GCFC2: variants seen among roughly 807,000 people sequenced by gnomAD.
GCFC2 encodes the protein GC-rich sequence DNA-binding factor 2, also known as intron Large complex component GCFC2.
Under a neutral mutation model 99.4 loss-of-function variants are expected in GCFC2, and 102 were observed. The ratio of observed to expected loss-of-function variants is 1.03; its 90% CI spans 0.87 to 1.21. GCFC2 has a LOEUF of 1.21. GCFC2 is among the 50% of genes most tolerant of loss of function. The probability of loss-of-function intolerance (pLI) is 0.00; values close to 1 mark genes in which losing one functional copy is unlikely to be tolerated. For synonymous variants in GCFC2, 338 were observed against 316.8 expected, an observed-to-expected ratio of 1.07 and a Z score of -0.71; for missense variants, 973 against 920.9, an observed-to-expected ratio of 1.06 and a Z score of -0.73.
chr2:75,703,946 G>T (rs1680720646), intron 2 of GCFC2, among the ~76,000 whole-genome samples: 1 of 152,156 alleles, frequency 6.6e-6, no homozygotes, highest in Non-Finnish European at 1.5e-5. Flanking sequence ...TAATTAGTAA[G>T]TCACAAGCAA....
At chr2:75,675,235 C>T (rs529983946) in intron 12 of GCFC2, among the ~76,000 whole-genome samples, 1 of 152,022 alleles carries the variant, frequency 6.6e-6, no homozygotes, top group South Asian at 2.1e-4. Flanking sequence ...AACATAATAT[C>T]CTTGTCTTAA....
chr2:75,664,866 T>A, intron 16 of GCFC2, 83 bp from the exon 17 acceptor site: 1 of 700,202 alleles, frequency 1.4e-6, no homozygotes. Flanking sequence ...TCATCAGTTG[T>A]TAATCTAAAA....
intron 12 of GCFC2, among the ~76,000 whole-genome samples, chr2:75,675,092 A>T (rs1679277546): frequency 6.6e-6 from 1 of 152,166 alleles, no homozygotes; most frequent in Non-Finnish European, 1.5e-5. Flanking sequence ...ATATTGTTTA[A>T]ATTTTGTTTC....
rs753449346 is a variant in GCFC2, at chr2:75,701,293, G to A, written c.620-6C>T. ...TGTTTCTTCATTTCTGCTTACTAGC[G>A]GAAAAAAAGCTCACATGTAAACGTT... On this transcript the variant is annotated splice_polypyrimidine_tract_variant and splice_region_variant and intron_variant, in intron 3 of 16. Transcript: ENST00000321027. 1.2e-5 allele frequency: 19 copies of A among 1,544,318 alleles called. No homozygotes were observed. Among genetic ancestry groups the A allele is most frequent in the Middle Eastern group, 1.7e-4 (1 of 5,950 alleles).
intron 11 of GCFC2, among the ~76,000 whole-genome samples, chr2:75,683,771 C>CAAAAAAAAAAAAAAA (rs749580096): frequency 2.2e-3 from 133 of 60,386 alleles, no homozygotes; most frequent in Middle Eastern, 0.014. Flanking sequence ...AAATGGAAAG[C>CAAAAAAAAAAAAAAA]AAAAAAAAAA....
chr2:75,671,248 T>C (rs1263098503), intron 14 of GCFC2, among the ~76,000 whole-genome samples: 1 of 152,234 alleles, frequency 6.6e-6, no homozygotes, highest in Admixed American at 6.5e-5. Flanking sequence ...GTTCTGTCCT[T>C]GGCCTACTTC....
intron 13 of GCFC2, 129 bp downstream of exon 13, chr2:75,673,315 A>G (rs1022594928): frequency 9.5e-6 from 6 of 633,906 alleles, no homozygotes; most frequent in Non-Finnish European, 1.7e-5. Flanking sequence ...CTCAAAAGAA[A>G]AAAAAAAAAG....
At chr2:75,707,199 T>G (rs1680910891) in intron 1 of GCFC2, among the ~76,000 whole-genome samples, 1 of 152,214 alleles carries the variant, frequency 6.6e-6, no homozygotes, top group Non-Finnish European at 1.5e-5. Flanking sequence ...TATGCCATAT[T>G]TCAACGGCTG....
At chr2:75,703,939 T>C (rs1425428863) in intron 2 of GCFC2, among the ~76,000 whole-genome samples, 3 of 152,178 alleles carry the variant, frequency 2.0e-5, no homozygotes, top group African/African-American at 7.2e-5. Flanking sequence ...TAGGGTTTAA[T>C]TAGTAAGTCA....
rs750020501 is a variant in GCFC2 at position 75,692,011 on chromosome 2, T to C, written c.1110A>G (p.Leu370=). 1.3e-6 allele frequency: 2 copies of C among 1,562,496 alleles called. No homozygotes were observed. The highest frequency in any genetic ancestry group is 4.7e-5 in the East Asian group (2 of 42,854). Residue 370 remains leucine (L), a synonymous_variant, in exon 7 of 17, where the codon TTA becomes TTG. Coordinates refer to ENST00000321027, the MANE Select transcript of GCFC2 (RefSeq NM_003203.5). ...GTTGTAAATACGTTGATTCATGTTT[T>C]AATTCATCTTGCCTGCGTTTCATAA... ...MTFMKRRQDE[L]KHESTYLQQL... is the part of the protein sequence containing the mutation.
rs562820871 is a variant in GCFC2, at chr2:75,710,701, G to A, written c.155C>T (p.Ala52Val). 16 of 1,532,824 alleles carry A rather than the reference G, an allele frequency of 1.0e-5. No homozygotes were observed. In the South Asian group the frequency reaches 1.4e-4, roughly 14 times the overall value. The allele number at this position is 1,532,824 out of a possible 1,614,324, so 95.0% of individuals were successfully genotyped here. Residue 52 changes from alanine to valine, a missense_variant, in exon 1 of 17, where the codon GCG (alanine) becomes GTG (valine). Ala to Val is a moderately conservative substitution (Grantham distance 64). Coordinates refer to ENST00000321027, the MANE Select transcript of GCFC2 (RefSeq NM_003203.5). ...EEEPPSGGGR[A>V]QVAGLPHRVR... ...CCGGTGGGGCAGTCCCGCCACCTGC[G>A]CGCGGCCTCCTCCAGAGGGCGGCTC...
chr2:75,674,502 G>GA (rs547778382), intron 12 of GCFC2, among the ~76,000 whole-genome samples: 1 of 151,144 alleles, frequency 6.6e-6, no homozygotes, highest in Non-Finnish European at 1.5e-5. Context: ...TTATAACTTT[G>GA]AAAAAAAAGC....
At position 75,710,864 on chromosome 2, in the gene GCFC2, C is replaced by G. The variant is rs370450658; in HGVS notation, c.-9G>C. On this transcript the variant is annotated 5_prime_UTR_variant, in exon 1 of 17. Transcript: ENST00000321027. ...TTCGGCCTGTGAGCCATGGCCGAGG[C>G]CCGAGCGCCCGGCGCCCTAGAACCC... The G allele has an allele frequency of 6.5e-7, 1 of 1,541,798 alleles. No homozygotes were observed. The highest frequency in any genetic ancestry group is 8.7e-7 in the Non-Finnish European group (1 of 1,150,866).
Position 75,670,177 on chromosome 2 carries a change from A to G in GCFC2, c.2064T>C (p.Asn688=), listed in dbSNP as rs142624042. 3.1e-6 allele frequency: 5 copies of G among 1,609,580 alleles called. No homozygotes were observed. In the African/African-American group the frequency reaches 6.7e-5, roughly 22 times the overall value. The part of the protein sequence containing the change: ...LNRYLIIALL[N]ATPGPDVVKK... ...TAACCACATCTGGCCCAGGTGTGGCATTGAGAAGTGCTATAATAAGGTAAC... is the reference window on the plus strand; with the variant it reads ...TAACCACATCTGGCCCAGGTGTGGCGTTGAGAAGTGCTATAATAAGGTAAC... Residue 688 remains asparagine, a synonymous_variant, in exon 15 of 17, where the codon AAT becomes AAC. Coordinates refer to ENST00000321027, the MANE Select transcript of GCFC2 (RefSeq NM_003203.5).
intron 10 of GCFC2, 121 bp downstream of exon 10, chr2:75,688,905 C>T: frequency 3.3e-6 from 2 of 604,350 alleles, no homozygotes. Flanking sequence ...GACTATTGTT[C>T]CAAAGCTCTA....
In GCFC2 at chr2:75,683,330, T is replaced by C. The variant is rs535773348; in HGVS notation, c.1691-3016A>G. Among the ~76,000 whole-genome samples the C allele has an allele frequency of 6.6e-5, 10 of 152,002 alleles. 1 individual carries two copies. The highest frequency in any genetic ancestry group is 2.4e-4 in the African/African-American group (10 of 41,260). ...AATGAATTTTCAATCCAGAATTTCA[T>C]ATCCAGCCAAACTAAGCTTCATAAG... On this transcript the variant is annotated intron_variant, in intron 11 of 16. Transcript: ENST00000321027.
chr2:75,710,544 C>A (rs1272389122), intron 1 of GCFC2, 47 bp downstream of exon 1: 1 of 1,454,370 alleles, frequency 6.9e-7, no homozygotes, highest in Admixed American at 2.5e-5. Context: ...CGGCCCCTTC[C>A]CGCCCTGTGC....
rs773134413 is a variant in GCFC2 at position 75,710,718 on chromosome 2, G to A, written c.138C>T (p.Pro46=). Residue 46 remains proline, a synonymous_variant, in exon 1 of 17, where the codon CCC becomes CCT. Coordinates refer to ENST00000321027, the MANE Select transcript of GCFC2 (RefSeq NM_003203.5). ...CCACCTGCGCGCGGCCTCCTCCAGA[G>A]GGCGGCTCTTCCTCCGCAGAACCCG... is the stretch of plus-strand genomic sequence containing the variant. ...PVPGSAEEEP[P]SGGGRAQVAG... 1.9e-6 allele frequency: 3 copies of A among 1,551,676 alleles called. No homozygotes were observed. Among genetic ancestry groups the A allele is most frequent in the South Asian group, 1.2e-5 (1 of 84,356 alleles).
chr2:75,679,453 T>C (rs1399233592), intron 12 of GCFC2, among the ~76,000 whole-genome samples: 2 of 152,154 alleles, frequency 1.3e-5, no homozygotes, highest in Non-Finnish European at 2.9e-5. Flanking sequence ...AATGCTACAA[T>C]GAAAGAGTGA....
Sources: gnomAD v4.1 joint callset for allele counts (sites outside exome capture counted in the v4.1 genomes callset) on GRCh38, gnomAD v4.1.1 for gene constraint, MANE v1.5 for transcripts, NCBI Gene and HGNC (gene_info 2026-07-23, HGNC 2026-07-21) for gene names.